Variants in SPATA45 observed in about 807,000 individuals in gnomAD.
SPATA45 encodes the protein spermatogenesis-associated protein 45.
A neutral mutation model predicts 7.0 loss-of-function variants in SPATA45; 5 were observed. That is an observed-to-expected ratio of 0.71 (90% CI 0.37 to 1.50). The LOEUF is 1.50. Among genes scored for constraint, SPATA45 ranks in the 40% most tolerant of loss-of-function variants. The probability of loss-of-function intolerance (pLI) is 0.03; values close to 1 mark genes in which losing one functional copy is unlikely to be tolerated. For missense variants in SPATA45, 111 were observed against 114.9 expected (o/e 0.97, Z 0.16); for synonymous variants, 40 against 38.7 (o/e 1.03, Z -0.13).
chr1:212,830,756 G>A (rs1663471531), intron 2 of SPATA45, among the ~76,000 whole-genome samples: 1 of 150,982 alleles, frequency 6.6e-6, no homozygotes, highest in Non-Finnish European at 1.5e-5. Flanking sequence ...ACTGAGGTGG[G>A]CGGATCACGA....
At position 212,832,812 on chromosome 1, in the gene SPATA45, T is replaced by C. The variant is rs1055286206; in HGVS notation, c.278-2551A>G. On this transcript the variant is annotated intron_variant, in intron 2 of 2. Transcript: ENST00000332912. The stretch of plus-strand genomic sequence containing the variant: ...AGCCATTGCCCAAGGACATAGCTAT[T>C]GGTCTCGAGAGGAATGAGGTAAGTT... Among the ~76,000 whole-genome samples the C allele has an allele frequency of 2.6e-5, 4 of 151,592 alleles. No individual in the cohort carries two copies. In the East Asian group the frequency reaches 5.8e-4, roughly 22 times the overall value.
intron 1 of SPATA45, 125 bp from the exon 2 acceptor site, chr1:212,836,312 C>T: frequency 2.9e-6 from 2 of 694,884 alleles, no homozygotes; most frequent in Non-Finnish European, 2.4e-6. Flanking sequence ...ACCAAGCCTC[C>T]CACCCCACGC....
At chr1:212,830,535 C>T (rs983547755) in intron 2 of SPATA45, among the ~76,000 whole-genome samples, 4 of 148,216 alleles carry the variant, frequency 2.7e-5, no homozygotes, top group African/African-American at 7.4e-5. Context: ...AGCCGGGCGT[C>T]GTGGCGCGCT....
At chr1:212,840,510 T>G (rs1162807453) in intron 1 of SPATA45, among the ~76,000 whole-genome samples, 1 of 152,106 alleles carries the variant, frequency 6.6e-6, no homozygotes, top group Non-Finnish European at 1.5e-5. Context: ...CAGGCTGGAG[T>G]GCAGGTTCAA....
chr1:212,835,322 A>G (rs11806446), intron 2 of SPATA45, among the ~76,000 whole-genome samples: 107,644 of 150,850 alleles, frequency 0.71, 39,553 homozygotes, highest in African/African-American at 0.78. Flanking sequence ...TTGGGAGTTC[A>G]AGACCAGCCT....
At chr1:212,841,833 C>T (rs529955483) in intron 1 of SPATA45, among the ~76,000 whole-genome samples, 2 of 152,178 alleles carry the variant, frequency 1.3e-5, no homozygotes, top group African/African-American at 4.8e-5. Context: ...TCTTGGCTCA[C>T]TACAGCCTCT....
At chr1:212,831,863 G>A (rs909066451) in intron 2 of SPATA45, among the ~76,000 whole-genome samples, 1 of 150,932 alleles carries the variant, frequency 6.6e-6, no homozygotes, top group Admixed American at 6.6e-5. Flanking sequence ...CAGGAGTCCT[G>A]GGTCATCCCT....
At chr1:212,843,672 CTGTT>C (rs1391034802) in intron 1 of SPATA45, among the ~76,000 whole-genome samples, 1 of 152,196 alleles carries the variant, frequency 6.6e-6, no homozygotes, top group Non-Finnish European at 1.5e-5. Flanking sequence ...CCCTATGTGA[CTGTT>C]TGGGTCTCAT....
At chr1:212,831,083 T>G (rs1663478503) in intron 2 of SPATA45, among the ~76,000 whole-genome samples, 1 of 149,814 alleles carries the variant, frequency 6.7e-6, no homozygotes, top group Non-Finnish European at 1.5e-5. Context: ...GAGGTTGCAG[T>G]GAGCCAAGAT....
Position 212,836,139 on chromosome 1 carries a change from A to G in SPATA45, c.11T>C (p.Ile4Thr), listed in dbSNP as rs1436649999. Residue 4 changes from isoleucine (I) to threonine (T), a missense_variant, in exon 2 of 3, where the codon ATA becomes ACA. Coordinates refer to ENST00000332912, the MANE Select transcript of SPATA45 (RefSeq NM_001024601.3). MAS[I>T]NRTIEIMKKH... ...TTTCATTATTTCAATGGTTCTGTTT[A>G]TAGATGCCATTATGGTCACAAACCA... is the stretch of plus-strand genomic sequence containing the variant. 1 of 1,602,416 alleles carries G rather than the reference A, an allele frequency of 6.2e-7. No individual in the cohort carries two copies. Among genetic ancestry groups the G allele is most frequent in the Non-Finnish European group, 8.5e-7 (1 of 1,170,310 alleles).
chr1:212,841,706 A>AAAAAT (rs1663689182), intron 1 of SPATA45, among the ~76,000 whole-genome samples: 1 of 151,590 alleles, frequency 6.6e-6, no homozygotes, highest in East Asian at 1.9e-4. Context: ...TCCCTCTCAA[A>AAAAAT]AAAATAAAAT....
At chr1:212,844,354 C>A (rs1663750156) in intron 1 of SPATA45, among the ~76,000 whole-genome samples, 1 of 152,190 alleles carries the variant, frequency 6.6e-6, no homozygotes, top group Admixed American at 6.5e-5. Context: ...ACTATACTCA[C>A]TCTTTGCTGC....
At chr1:212,833,503 C>A (rs987781029) in intron 2 of SPATA45, among the ~76,000 whole-genome samples, 286 of 108,490 alleles carry the variant, frequency 2.6e-3, no homozygotes, top group African/African-American at 3.1e-3. Context: ...TACTAAAATA[C>A]AAAAAAAAAA....
chr1:212,840,950 C>CT lies in SPATA45; in HGVS notation c.-38-4764dup, dbSNP rs199993618. Among the ~76,000 whole-genome samples the CT allele has an allele frequency of 5.7e-3, 859 of 151,728 alleles. 4 individuals carry two copies. Among genetic ancestry groups the CT allele is most frequent in the African/African-American group, 0.02 (822 of 41,302 alleles). ...CACCTTTTAAATTCTCTCTCTCTCTCTTCTTTTTTGAGGCGGAGTCTCTCT... is the reference window on the plus strand; with the variant it reads ...CACCTTTTAAATTCTCTCTCTCTCTCTTTCTTTTTTGAGGCGGAGTCTCTCT... On this transcript the variant is annotated intron_variant, in intron 1 of 2. Coordinates refer to ENST00000332912, the MANE Select transcript of SPATA45 (RefSeq NM_001024601.3).
chr1:212,837,721 A>C lies in SPATA45; in HGVS notation c.-38-1534T>G, dbSNP rs1365434337. Among the ~76,000 whole-genome samples the C allele has an allele frequency of 9.2e-5, 14 of 151,710 alleles. 1 individual carries two copies. Among genetic ancestry groups the C allele is most frequent in the Admixed American group, 9.2e-4 (14 of 15,200 alleles). On this transcript the variant is annotated intron_variant, in intron 1 of 2. Transcript: ENST00000332912. ...GAAGGCCTAGGTGGGAGGATCACTT[A>C]AGCCTGGGAGGTGAAGGTTGCAGTG... is the stretch of plus-strand genomic sequence containing the variant.
intron 1 of SPATA45, 70 bp from the exon 2 acceptor site, chr1:212,836,257 G>T: frequency 1.6e-6 from 2 of 1,245,460 alleles, no homozygotes. Context: ...AATCACGTTT[G>T]CCAGTTTCTC....
chr1:212,833,639 CAG>C (rs1663529034), intron 2 of SPATA45, among the ~76,000 whole-genome samples: 1 of 151,538 alleles, frequency 6.6e-6, no homozygotes, highest in African/African-American at 2.4e-5. Context: ...GCCTGGGTGA[CAG>C]AGAGACTCAG....
intron 1 of SPATA45, among the ~76,000 whole-genome samples, chr1:212,836,812 C>G (rs576405453): frequency 4.1e-4 from 58 of 141,384 alleles, no homozygotes; most frequent in African/African-American, 1.4e-3. Context: ...CCATGCCCAG[C>G]TAATTTTTTT....
At chr1:212,841,545 G>A (rs1571992874) in intron 1 of SPATA45, among the ~76,000 whole-genome samples, 1 of 151,040 alleles carries the variant, frequency 6.6e-6, no homozygotes, top group East Asian at 1.9e-4. Flanking sequence ...TGAAGTGACA[G>A]AAATCACACA....
Sources: gnomAD v4.1 joint callset for allele counts (sites outside exome capture counted in the v4.1 genomes callset) on GRCh38, gnomAD v4.1.1 for gene constraint, MANE v1.5 for transcripts, NCBI Gene and HGNC (gene_info 2026-07-23, HGNC 2026-07-21) for gene names.